COL13A1: variants seen among roughly 807,000 people sequenced by gnomAD.
The protein encoded by COL13A1 is collagen alpha-1(XIII) chain.
COL13A1 carries 89 observed loss-of-function variants against 130.9 expected under a neutral mutation model. The observed-to-expected ratio is 0.68, with a 90% CI of 0.57 to 0.81. COL13A1 has a LOEUF of 0.81. COL13A1 is among the 30% of genes least tolerant of loss of function. The pLI is 0.00. For synonymous variants in COL13A1, 402 were observed against 341.6 expected (o/e 1.18, Z -1.95); for missense variants, 879 against 934.6 (o/e 0.94, Z 0.78).
At chr10:69,931,326 C>T in intron 30 of COL13A1, 3 of 422,688 alleles carry the variant, frequency 7.1e-6, no homozygotes, top group South Asian at 1.7e-5. Flanking sequence ...CTGGGGGCCA[C>T]CAGCCTAGTG....
intron 2 of COL13A1, among the ~76,000 whole-genome samples, chr10:69,848,680 T>A (rs959612153): frequency 6.6e-6 from 1 of 152,232 alleles, no homozygotes; most frequent in African/African-American, 2.4e-5. Flanking sequence ...CACGCCACAC[T>A]TCTGCTGTGT....
chr10:69,947,363 T>C (rs1170951105), intron 38 of COL13A1, 21 bp downstream of exon 38: 9 of 1,602,544 alleles, frequency 5.6e-6, no homozygotes. Flanking sequence ...GCCCCTGCAC[T>C]CGTGCTCTAG....
chr10:69,951,260 G>C (rs2069518116), intron 38 of COL13A1, among the ~76,000 whole-genome samples: 1 of 152,062 alleles, frequency 6.6e-6, no homozygotes, highest in Admixed American at 6.6e-5. Flanking sequence ...TCCTATACTG[G>C]CTAAAAAGAA....
At chr10:69,894,638 TTTGG>T (rs1448865944) in intron 11 of COL13A1, 33 bp from the exon 12 acceptor site, 1 of 1,613,962 alleles carries the variant, frequency 6.2e-7, no homozygotes, top group South Asian at 1.1e-5. Flanking sequence ...TGACCTTAGC[TTTGG>T]TTTCTAACTC....
At chr10:69,920,089 G>T (rs1178321879) in intron 21 of COL13A1, among the ~76,000 whole-genome samples, 1 of 152,182 alleles carries the variant, frequency 6.6e-6, no homozygotes, top group Non-Finnish European at 1.5e-5. Context: ...GGCAGCAGGG[G>T]CTCCCTCCCA....
intron 4 of COL13A1, among the ~76,000 whole-genome samples, chr10:69,873,516 G>C (rs1181424953): frequency 6.6e-6 from 1 of 152,186 alleles, no homozygotes; most frequent in Non-Finnish European, 1.5e-5. Context: ...CAGAGCAAGG[G>C]CTGCTGCACA....
chr10:69,889,293 GA>G, intron 9 of COL13A1, 120 bp from the exon 10 acceptor site: 1 of 1,274,286 alleles, frequency 7.8e-7, no homozygotes, highest in South Asian at 1.3e-5. Flanking sequence ...GAGCACAGGG[GA>G]CAGGGAGGAG....
intron 1 of COL13A1, among the ~76,000 whole-genome samples, chr10:69,808,896 C>T (rs1329898858): frequency 6.6e-6 from 1 of 152,204 alleles, no homozygotes; most frequent in Admixed American, 6.5e-5. Context: ...TTCTCAGCAA[C>T]CAGCAGAGGA....
intron 16 of COL13A1, among the ~76,000 whole-genome samples, chr10:69,905,519 G>C (rs2062661161): frequency 1.3e-5 from 2 of 152,170 alleles, no homozygotes; most frequent in African/African-American, 4.8e-5. Flanking sequence ...CAGGTCTCCT[G>C]GGTCTCCTGG....
chr10:69,854,412 T>C (rs1040136036), intron 2 of COL13A1, among the ~76,000 whole-genome samples: 5 of 151,922 alleles, frequency 3.3e-5, no homozygotes, highest in African/African-American at 1.2e-4. Flanking sequence ...CAAAAAATTT[T>C]AAAACAATAA....
chr10:69,806,491 T>A (rs1189647787), intron 1 of COL13A1, among the ~76,000 whole-genome samples: 1 of 152,230 alleles, frequency 6.6e-6, no homozygotes, highest in Non-Finnish European at 1.5e-5. Flanking sequence ...GAGCCAGCTC[T>A]GTGGGGAACC....
In COL13A1 at chr10:69,925,824, G is replaced by T; in HGVS notation, c.1350G>T (p.Gly450=). 1 of 1,600,806 alleles carries T rather than the reference G, an allele frequency of 6.2e-7. No homozygotes were observed. The stretch of plus-strand genomic sequence containing the variant: ...TCCAGGGCTCCAAGGGAGAACCAGG[G>T]AAAGGAGAGATGGTGGATTACAATG... ...DGPKGSKGEP[G]KGEMVDYNGN... The change falls in exon 26 of 41, where the codon GGG becomes GGT. Residue 450 remains glycine (G), a synonymous_variant. Coordinates refer to ENST00000645393, the MANE Select transcript of COL13A1 (RefSeq NM_001368882.1).
chr10:69,949,232 G>C (rs1008799261), intron 38 of COL13A1, among the ~76,000 whole-genome samples: 2 of 152,166 alleles, frequency 1.3e-5, no homozygotes, highest in African/African-American at 4.8e-5. Context: ...CGCCAGGCTG[G>C]AGTGCAATGG....
At chr10:69,881,552 C>T (rs1015265827) in intron 7 of COL13A1, among the ~76,000 whole-genome samples, 5 of 152,062 alleles carry the variant, frequency 3.3e-5, no homozygotes, top group South Asian at 2.1e-4. Flanking sequence ...GGGGTTGTGG[C>T]GAGTGCAGGG....
chr10:69,931,283 G>T, intron 30 of COL13A1: 1 of 450,892 alleles, frequency 2.2e-6, no homozygotes, highest in South Asian at 1.6e-5. Flanking sequence ...GGGTGTCAAG[G>T]TTGCCTGCAG....
chr10:69,866,376 G>A (rs1162499422), intron 2 of COL13A1, among the ~76,000 whole-genome samples: 1 of 152,202 alleles, frequency 6.6e-6, no homozygotes, highest in Non-Finnish European at 1.5e-5. Flanking sequence ...CCTCCATGTG[G>A]CTGAAGCATC....
intron 17 of COL13A1, among the ~76,000 whole-genome samples, chr10:69,906,811 A>AC (rs1367599156): frequency 6.6e-6 from 1 of 151,610 alleles, no homozygotes; most frequent in East Asian, 1.9e-4. Context: ...GCTCACTGCA[A>AC]CCCCCGCCTC....
chr10:69,846,837 G>T (rs12146343), intron 2 of COL13A1, among the ~76,000 whole-genome samples: 10,753 of 152,272 alleles, frequency 0.071, 509 homozygotes, highest in Middle Eastern at 0.18. Flanking sequence ...GTGAGCCGGG[G>T]TGTGCAGACA....
At chr10:69,831,151 C>T (rs964025695) in intron 2 of COL13A1, among the ~76,000 whole-genome samples, 1 of 152,216 alleles carries the variant, frequency 6.6e-6, no homozygotes, top group Non-Finnish European at 1.5e-5. Flanking sequence ...AGGAATCCTT[C>T]ATGTCTGCCT....
Sources: allele counts gnomAD v4.1 joint callset (sites outside exome capture counted in the v4.1 genomes callset), GRCh38; gene constraint gnomAD v4.1.1; transcripts MANE v1.5; gene names NCBI Gene and HGNC (gene_info 2026-07-23, HGNC 2026-07-21).